The following HACD4 variants were observed in gnomAD, a reference collection of about 807,000 sequenced individuals.
The protein encoded by HACD4 is very-long-chain (3R)-3-hydroxyacyl-CoA dehydratase 4.
HACD4 carries 35 observed loss-of-function variants against 33.3 expected under a neutral mutation model. The ratio of observed to expected loss-of-function variants is 1.05; its 90% CI spans 0.80 to 1.39. The LOEUF (loss-of-function observed/expected upper bound fraction) is 1.39. HACD4 is among the 40% of genes most tolerant of loss of function. HACD4 has a pLI of 0.00. For missense variants in HACD4, 323 were observed against 276.5 expected (o/e 1.17, Z -1.19); for synonymous variants, 118 against 98.0 (o/e 1.20, Z -1.21).
At chr9:21,009,812 T>G (rs187642062) in intron 5 of HACD4, among the ~76,000 whole-genome samples, 21 of 152,312 alleles carry the variant, frequency 1.4e-4, no homozygotes, top group South Asian at 6.2e-4. Context: ...CAATTTCCTT[T>G]CTATATTCTC....
chr9:21,008,004 C>A lies in HACD4; in HGVS notation c.616+17G>T. ...GTACAGGAAAAATGCAAAAACAAGA[C>A]CAAAAAAGCCACTTACCTATAAAGA... On this transcript the variant is annotated intron_variant, in intron 6 of 6. Transcript: ENST00000495827. The A allele has an allele frequency of 6.4e-7, 1 of 1,571,502 alleles. No individual in the cohort carries two copies. Among genetic ancestry groups the A allele is most frequent in the Non-Finnish European group, 8.6e-7 (1 of 1,161,936 alleles).
At chr9:21,012,044 C>T (rs1383711699) in intron 4 of HACD4, among the ~76,000 whole-genome samples, 1 of 152,152 alleles carries the variant, frequency 6.6e-6, no homozygotes, top group African/African-American at 2.4e-5. Context: ...TAATGACAGA[C>T]ATACTTGTAA....
rs1818068315 is a variant in HACD4, at chr9:21,026,655, C to G, written c.211G>C (p.Glu71Gln). The G allele has an allele frequency of 6.2e-7, 1 of 1,613,288 alleles. No individual in the cohort carries two copies. Residue 71 changes from glutamate to glutamine, a missense_variant, in exon 3 of 7, where the codon GAA becomes CAA. By Grantham distance (29) the Glu-to-Gln change is conservative. Transcript: ENST00000495827. ...MRLCQSVSLL[E>Q]LLHIYVGIES... ...ATGCCAACATATATGTGCAGCAGTTCCAGGAGAGATACGGATTGGCAAAGT... is the reference window on the plus strand; with the variant it reads ...ATGCCAACATATATGTGCAGCAGTTGCAGGAGAGATACGGATTGGCAAAGT...
intron 3 of HACD4, 63 bp from the exon 4 acceptor site, chr9:21,016,073 A>G: frequency 8.9e-7 from 1 of 1,128,570 alleles, no homozygotes; most frequent in Non-Finnish European, 1.3e-6. Flanking sequence ...GTAATTTTCT[A>G]ATTTTGAAAA....
chr9:21,029,577 C>G (rs917531455), intron 1 of HACD4, among the ~76,000 whole-genome samples, 179 bp from the exon 2 acceptor site: 1 of 152,226 alleles, frequency 6.6e-6, no homozygotes, highest in South Asian at 2.1e-4. Context: ...ATAACCTACA[C>G]TACCCGCTAA....
rs1015171682 is a variant in HACD4 at position 20,999,840 on chromosome 9, C to T, written c.*7197G>A. 4 of 151,794 alleles carry T rather than the reference C, an allele frequency of 2.6e-5. No individual in the cohort carries two copies. The highest frequency in any genetic ancestry group is 5.9e-5 in the Non-Finnish European group (4 of 68,028). 9.4% of individuals were successfully genotyped at this position (151,794 alleles called of 1,614,324 possible). A position where few individuals can be genotyped will look rare whatever the true frequency, so the allele number is the denominator to read the frequency against. On this transcript the variant is annotated 3_prime_UTR_variant, in exon 7 of 7. Transcript: ENST00000495827. ...GTCATCCCTGCTCTCATGGAACTTACAGTCAGAGAATATAAATCACTAAAC... is the reference window on the plus strand; with the variant it reads ...GTCATCCCTGCTCTCATGGAACTTATAGTCAGAGAATATAAATCACTAAAC...
intron 5 of HACD4, among the ~76,000 whole-genome samples, chr9:21,010,882 G>C (rs1842406820): frequency 6.6e-6 from 1 of 152,140 alleles, no homozygotes; most frequent in Non-Finnish European, 1.5e-5. Flanking sequence ...AACAGGGTTT[G>C]TGCTCCAATA....
intron 3 of HACD4, among the ~76,000 whole-genome samples, chr9:21,022,351 G>T (rs1587836636): frequency 6.6e-6 from 1 of 152,102 alleles, no homozygotes; most frequent in African/African-American, 2.4e-5. Flanking sequence ...AAAAGCAATG[G>T]CAACAAAAGC....
At chr9:21,018,400 A>G (rs1817816833) in intron 3 of HACD4, among the ~76,000 whole-genome samples, 1 of 151,850 alleles carries the variant, frequency 6.6e-6, no homozygotes, top group Admixed American at 6.6e-5. Context: ...AAATACTAAG[A>G]CTCTTTCACC....
chr9:21,010,456 A>ATCCAC (rs1353043927), intron 5 of HACD4, among the ~76,000 whole-genome samples: 1 of 105,006 alleles, frequency 9.5e-6, no homozygotes, highest in African/African-American at 4.4e-5. Flanking sequence ...ACATCCTGGT[A>ATCCAC]CCCCCCCCCC....
rs1395031757 is a variant in HACD4, at chr9:21,007,074, ATG to A, written c.660_661del (p.Ile221ProfsTer7). ...TTTTTTAATGGGAAAGATTCCGAGG[ATG>A]TCTCTTCTTTCTGAGTATAGATGAC... On this transcript the variant is annotated frameshift_variant, in exon 7 of 7. Coordinates refer to ENST00000495827, the MANE Select transcript of HACD4 (RefSeq NM_001010915.5). LOFTEE classifies it high-confidence loss of function. 3 of 1,588,822 alleles carry A rather than the reference ATG, an allele frequency of 1.9e-6. No homozygotes were observed. The highest frequency in any genetic ancestry group is 2.6e-6 in the Non-Finnish European group (3 of 1,157,286).
chr9:21,009,821 T>A (rs969720967), intron 5 of HACD4, among the ~76,000 whole-genome samples: 2 of 152,186 alleles, frequency 1.3e-5, no homozygotes, highest in Non-Finnish European at 2.9e-5. Flanking sequence ...TTCTATATTC[T>A]CTACAGTACT....
intron 3 of HACD4, chr9:21,017,713 CT>C (rs1038305791): frequency 1.3e-5 from 2 of 152,156 alleles, no homozygotes; most frequent in African/African-American, 4.8e-5. Context: ...ACTTAGACAC[CT>C]TTCAATAAGA....
At chr9:21,020,088 A>C (rs1817868997) in intron 3 of HACD4, among the ~76,000 whole-genome samples, 1 of 152,138 alleles carries the variant, frequency 6.6e-6, no homozygotes, top group African/African-American at 2.4e-5. Context: ...TGGCAAATAC[A>C]GAAACAGTTT....
chr9:21,019,231 ATTACAC>A (rs1176377041), intron 3 of HACD4, among the ~76,000 whole-genome samples: 17 of 152,102 alleles, frequency 1.1e-4, no homozygotes, highest in Non-Finnish European at 2.2e-4. Context: ...TGATATTTAT[ATTACAC>A]TTGGTGAAAC....
intron 4 of HACD4, 130 bp from the exon 5 acceptor site, chr9:21,011,825 T>A: frequency 1.7e-6 from 1 of 574,866 alleles, no homozygotes; most frequent in Non-Finnish European, 3.0e-6. Flanking sequence ...TTTCCTATAA[T>A]TTAAGGAAGA....
chr9:21,015,889 C>A lies in HACD4; in HGVS notation c.383+9G>T. The A allele has an allele frequency of 6.4e-7, 1 of 1,565,646 alleles. No individual in the cohort carries two copies. Among genetic ancestry groups the A allele is most frequent in the Non-Finnish European group, 8.8e-7 (1 of 1,137,054 alleles). ...AGCCTTGTTTTAAGAGATTATTTTG[C>A]CTTCTTACCTAACCATATCCAATAG... is the stretch of plus-strand genomic sequence containing the variant. On this transcript the variant is annotated intron_variant, in intron 4 of 6. Transcript: ENST00000495827.
chr9:21,010,161 T>A (rs1277404542), intron 5 of HACD4, among the ~76,000 whole-genome samples: 2 of 152,230 alleles, frequency 1.3e-5, no homozygotes, highest in African/African-American at 4.8e-5. Context: ...TTCCCTTAGT[T>A]ACCTTAACAT....
chr9:21,029,278 CTG>C lies in HACD4; in HGVS notation c.142+15_142+16del, dbSNP rs762642236. On this transcript the variant is annotated intron_variant, in intron 2 of 6. Coordinates refer to ENST00000495827, the MANE Select transcript of HACD4 (RefSeq NM_001010915.5). ...GGATTAAAAGTTAAAAATAAAAAAA[CTG>C]TTTCGGAGTTTTACCTTTTCCAAAT... is the stretch of plus-strand genomic sequence containing the variant. 6.4e-6 allele frequency: 9 copies of C among 1,407,056 alleles called. No homozygotes were observed. The highest frequency in any genetic ancestry group is 5.8e-5 in the African/African-American group (4 of 69,496). 87.2% of individuals were successfully genotyped at this position (1,407,056 alleles called of 1,614,324 possible). A position where few individuals can be genotyped will look rare whatever the true frequency, so the allele number is the denominator to read the frequency against.
Sources: gnomAD v4.1 joint callset for allele counts (sites outside exome capture counted in the v4.1 genomes callset) on GRCh38, gnomAD v4.1.1 for gene constraint, MANE v1.5 for transcripts, NCBI Gene and HGNC (gene_info 2026-07-23, HGNC 2026-07-21) for gene names.